The following DSCAM variants were observed in gnomAD, a reference collection of about 807,000 sequenced individuals.
DSCAM encodes the protein cell adhesion molecule DSCAM.
DSCAM carries 47 observed loss-of-function variants against 217.7 expected under a neutral mutation model. The observed-to-expected ratio is 0.22, with a 90% confidence interval of 0.17 to 0.28. DSCAM has a LOEUF of 0.28. Among genes scored for constraint, DSCAM ranks in the 10% least tolerant of loss-of-function variants. The probability of loss-of-function intolerance (pLI) is 1.00; values close to 1 mark genes in which losing one functional copy is unlikely to be tolerated. For missense variants in DSCAM, 2,080 were observed against 2,618.3 expected, an observed-to-expected ratio of 0.79 and a Z score of 4.49; for synonymous variants, 1,056 against 1,015.3, an observed-to-expected ratio of 1.04 and a Z score of -0.76.
At chr21:40,799,564 G>A (rs2091720620) in intron 1 of DSCAM, among the ~76,000 whole-genome samples, 1 of 152,156 alleles carries the variant, frequency 6.6e-6, no homozygotes, top group Non-Finnish European at 1.5e-5. Flanking sequence ...TATAAACTGG[G>A]CTGCACTCCC....
chr21:40,447,626 T>TA (rs1330856254), intron 3 of DSCAM, among the ~76,000 whole-genome samples: 1 of 152,196 alleles, frequency 6.6e-6, no homozygotes, highest in African/African-American at 2.4e-5. Flanking sequence ...GTTTTTCTAA[T>TA]AAAAAAACAC....
At chr21:40,816,213 T>C (rs548270477) in intron 1 of DSCAM, among the ~76,000 whole-genome samples, 1 of 152,356 alleles carries the variant, frequency 6.6e-6, no homozygotes, top group Admixed American at 6.5e-5. Flanking sequence ...ATTTGAAGCT[T>C]GAGCAAAGGC....
intron 32 of DSCAM, 135 bp downstream of exon 32, chr21:40,042,236 G>T: frequency 1.1e-6 from 1 of 921,904 alleles, no homozygotes; most frequent in Non-Finnish European, 1.6e-6. Flanking sequence ...CTTTGGGATG[G>T]TTTGTTATGC....
chr21:40,272,772 T>C (rs2073636528), intron 11 of DSCAM, among the ~76,000 whole-genome samples: 2 of 152,220 alleles, frequency 1.3e-5, no homozygotes, highest in Admixed American at 1.3e-4. Context: ...CTATTGAATT[T>C]AGAAATATTT....
At chr21:40,468,436 A>G (rs1054310507) in intron 3 of DSCAM, among the ~76,000 whole-genome samples, 5 of 152,204 alleles carry the variant, frequency 3.3e-5, no homozygotes, top group African/African-American at 1.2e-4. Context: ...TATTTCAGAG[A>G]CTTATAATAT....
intron 3 of DSCAM, chr21:40,513,216 C>T (rs2076274106): frequency 6.6e-6 from 1 of 152,112 alleles, no homozygotes. Context: ...CATAACCTAC[C>T]TACCCCGTAC....
chr21:40,160,186 A>G (rs1209381506), intron 16 of DSCAM, among the ~76,000 whole-genome samples: 2 of 152,240 alleles, frequency 1.3e-5, no homozygotes, highest in Non-Finnish European at 2.9e-5. Context: ...TTTCTTGGTT[A>G]TGACATAATG....
chr21:40,319,445 G>C (rs2123515177), intron 8 of DSCAM, among the ~76,000 whole-genome samples: 1 of 152,248 alleles, frequency 6.6e-6, no homozygotes, highest in Admixed American at 6.5e-5. Flanking sequence ...GCATGTGTGT[G>C]TGTGTGTATG....
chr21:40,838,840 C>T (rs1371847846), intron 1 of DSCAM, among the ~76,000 whole-genome samples: 1 of 152,152 alleles, frequency 6.6e-6, no homozygotes, highest in East Asian at 1.9e-4. Flanking sequence ...TCTTCTAGGG[C>T]AGGTCTGATT....
At chr21:40,141,573 G>A (rs758331110) in intron 18 of DSCAM, among the ~76,000 whole-genome samples, 5 of 152,126 alleles carry the variant, frequency 3.3e-5, no homozygotes, top group Non-Finnish European at 5.9e-5. Context: ...AGCTGAGATC[G>A]TGCCACTGCA....
chr21:40,716,331 G>A (rs189529667), intron 1 of DSCAM, among the ~76,000 whole-genome samples: 41 of 151,868 alleles, frequency 2.7e-4, no homozygotes, highest in Admixed American at 2.7e-3. Flanking sequence ...CTTTAATACA[G>A]TAACATTTGC....
chr21:40,124,818 T>C (rs1332277367), intron 19 of DSCAM, among the ~76,000 whole-genome samples: 1 of 152,206 alleles, frequency 6.6e-6, no homozygotes, highest in Non-Finnish European at 1.5e-5. Flanking sequence ...TGTTGGAGTC[T>C]GTGGTCCTTT....
At chr21:40,296,311 T>C (rs566359174) in intron 9 of DSCAM, 137 bp from the exon 10 acceptor site, 5 of 1,086,294 alleles carry the variant, frequency 4.6e-6, no homozygotes, top group Non-Finnish European at 6.4e-6. Flanking sequence ...ATAAAAACAC[T>C]ATTGGCAGTT....
At chr21:40,564,059 C>T (rs1010124833) in intron 3 of DSCAM, among the ~76,000 whole-genome samples, 5 of 152,108 alleles carry the variant, frequency 3.3e-5, no homozygotes, top group African/African-American at 4.8e-5. Flanking sequence ...CTGAGAGATG[C>T]GTACTCTGTG....
intron 16 of DSCAM, among the ~76,000 whole-genome samples, chr21:40,160,854 A>C (rs940426981): frequency 6.6e-6 from 1 of 152,142 alleles, no homozygotes; most frequent in Non-Finnish European, 1.5e-5. Context: ...TCAACGTGAA[A>C]CTCTTAGAAG....
At chr21:40,100,947 T>C (rs2089742049) in intron 20 of DSCAM, among the ~76,000 whole-genome samples, 1 of 152,176 alleles carries the variant, frequency 6.6e-6, no homozygotes, top group South Asian at 2.1e-4. Flanking sequence ...ACAGTAATTG[T>C]GCTAACCATT....
At chr21:40,508,738 TATATATATA>T (rs2076229092) in intron 3 of DSCAM, among the ~76,000 whole-genome samples, 1 of 17,286 alleles carries the variant, frequency 5.8e-5, no homozygotes, top group African/African-American at 3.4e-4. Context: ...CCGGCAAATA[TATATATATA>T]TATATATATA....
intron 10 of DSCAM, among the ~76,000 whole-genome samples, chr21:40,289,227 G>A (rs1414640948): frequency 6.6e-6 from 1 of 152,192 alleles, no homozygotes; most frequent in African/African-American, 2.4e-5. Context: ...TAATTGAGCA[G>A]AAGAGCATGC....
intron 9 of DSCAM, among the ~76,000 whole-genome samples, chr21:40,302,080 C>T (rs532354869): frequency 6.6e-6 from 1 of 152,258 alleles, no homozygotes; most frequent in Non-Finnish European, 1.5e-5. Context: ...TGTTGGTTTC[C>T]TTTTTTAAAG....
Sources: allele counts gnomAD v4.1 joint callset (sites outside exome capture counted in the v4.1 genomes callset), GRCh38; gene constraint gnomAD v4.1.1; transcripts MANE v1.5; gene names NCBI Gene and HGNC (gene_info 2026-07-23, HGNC 2026-07-21).